Variants in RUNX1T1 observed in about 807,000 individuals in gnomAD.
RUNX1T1 encodes protein CBFA2T1.
RUNX1T1 carries 4 observed loss-of-function variants against 62.8 expected under a neutral mutation model. The ratio of observed to expected loss-of-function variants is 0.06; its 90% CI spans 0.03 to 0.15. RUNX1T1 has a LOEUF of 0.15. Among genes scored for constraint, RUNX1T1 ranks in the 10% least tolerant of loss-of-function variants. The pLI is 1.00. For synonymous variants in RUNX1T1, 291 were observed against 286.0 expected (o/e 1.02, Z -0.18); for missense variants, 508 against 754.3 (o/e 0.67, Z 3.82).
intron 7 of RUNX1T1, 30 bp from the exon 9 acceptor site, chr8:91,986,355 G>A: frequency 8.5e-6 from 13 of 1,520,612 alleles, no homozygotes; most frequent in Non-Finnish European, 1.1e-5. Context: ...ATAGGGAAGA[G>A]CATATAAATC....
chr8:92,086,420 A>G (rs1836129049), intron 1 of RUNX1T1, among the ~76,000 whole-genome samples: 1 of 152,224 alleles, frequency 6.6e-6, no homozygotes, highest in Non-Finnish European at 1.5e-5. Flanking sequence ...CAAAAGAGAA[A>G]CTCAAAGAAG....
intron 10 of RUNX1T1, among the ~76,000 whole-genome samples, chr8:91,967,424 C>T (rs1811884542): frequency 6.6e-6 from 1 of 151,812 alleles, no homozygotes; most frequent in African/African-American, 2.4e-5. Flanking sequence ...TTCATTCCTG[C>T]CTCCAAGCCT....
chr8:92,039,701 A>T (rs1011946842), intron 1 of RUNX1T1, among the ~76,000 whole-genome samples: 1 of 152,290 alleles, frequency 6.6e-6, no homozygotes, highest in Non-Finnish European at 1.5e-5. Context: ...TCTTCTCTCG[A>T]TGTATTATTC....
At chr8:92,068,368 G>C (rs1246017327) in intron 2 of RUNX1T1, among the ~76,000 whole-genome samples, 1 of 152,120 alleles carries the variant, frequency 6.6e-6, no homozygotes, top group Non-Finnish European at 1.5e-5. Context: ...TAAAACGCAA[G>C]GGTGATGGCA....
chr8:92,007,000 G>A (rs1820913669), intron 4 of RUNX1T1, among the ~76,000 whole-genome samples: 1 of 152,088 alleles, frequency 6.6e-6, no homozygotes, highest in African/African-American at 2.4e-5. Context: ...GGATAACAAT[G>A]CTAAAATTAA....
chr8:92,081,065 A>G (rs902031227), intron 1 of RUNX1T1, among the ~76,000 whole-genome samples: 4 of 152,222 alleles, frequency 2.6e-5, no homozygotes, highest in African/African-American at 9.6e-5. Flanking sequence ...CCCACTGTAT[A>G]CGCACTCTGG....
intron 5 of RUNX1T1, among the ~76,000 whole-genome samples, 196 bp from the exon 7 acceptor site, chr8:91,992,085 C>G (rs909604893): frequency 6.6e-6 from 1 of 152,128 alleles, no homozygotes; most frequent in Non-Finnish European, 1.5e-5. Flanking sequence ...AGCCTGCAGA[C>G]AGGAAAAAAT....
chr8:91,977,017 A>G (rs1366594485), intron 8 of RUNX1T1: 1 of 191,270 alleles, frequency 5.2e-6, no homozygotes, highest in African/African-American at 2.3e-5. Context: ...GAAGATGAAG[A>G]CATTTAGTCC....
chr8:91,994,594 C>A, intron 5 of RUNX1T1: 1 of 497,542 alleles, frequency 2.0e-6, no homozygotes, highest in South Asian at 1.5e-5. Context: ...GGTCAAGTCA[C>A]TTAACCTCTC....
upstream of RUNX1T1, among the ~76,000 whole-genome samples, chr8:92,100,127 A>G (rs1837968177): frequency 6.6e-6 from 1 of 152,200 alleles, no homozygotes; most frequent in South Asian, 2.1e-4. Context: ...AATGTATTGT[A>G]TTGCACATAG....
intron 1 of RUNX1T1, among the ~76,000 whole-genome samples, chr8:92,062,176 T>A (rs1832144612): frequency 6.6e-6 from 1 of 152,188 alleles, no homozygotes; most frequent in African/African-American, 2.4e-5. Context: ...TCTCCACAGA[T>A]GAAATTTCCA....
rs1035216632 is a variant in RUNX1T1, at chr8:92,014,827, A to G, written c.146-7T>C. Reference sequence around the variant, plus strand: ...TGGCTCGTGCCATTAGTTACTGTCAAGAGCACAAAATCAGAAGGAAGTCAT... The same window carrying G: ...TGGCTCGTGCCATTAGTTACTGTCAGGAGCACAAAATCAGAAGGAAGTCAT... On this transcript the variant is annotated splice_region_variant and splice_polypyrimidine_tract_variant and intron_variant, in intron 2 of 10. Transcript: ENST00000396218. 6.3e-7 allele frequency: 1 copy of G among 1,593,856 alleles called. No individual in the cohort carries two copies.
In RUNX1T1 at chr8:92,027,298, A is replaced by C. The variant is rs531088928; in HGVS notation, c.8-9935T>G. 3.3e-5 allele frequency among the ~76,000 whole-genome samples: 5 copies of C among 152,274 alleles called. No individual in the cohort carries two copies. The South Asian group carries it at 1.0e-3, about 32-fold the overall frequency. ...GTGCCTGATGGTTACTATGTTAGAA[A>C]GCTCAGTTATAAAACACTTCTGTCA... On this transcript the variant is annotated intron_variant, in intron 1 of 10. Transcript: ENST00000396218.
intron 8 of RUNX1T1, chr8:91,976,196 A>C (rs962857687): frequency 2.0e-6 from 1 of 507,896 alleles, no homozygotes. Context: ...AATGCCATGC[A>C]TGCTCAAAGC....
intron 4 of RUNX1T1, chr8:92,006,029 T>A (rs1400304426): frequency 7.0e-6 from 1 of 143,728 alleles, no homozygotes; most frequent in African/African-American, 2.9e-5. Context: ...TCTTCTAATG[T>A]TAGAAGAAAT....
At chr8:92,011,429 G>A (rs1821904951) in intron 3 of RUNX1T1, among the ~76,000 whole-genome samples, 1 of 152,164 alleles carries the variant, frequency 6.6e-6, no homozygotes, top group East Asian at 1.9e-4. Context: ...AACACACTTG[G>A]ATGTATTTAA....
intron 1 of RUNX1T1, among the ~76,000 whole-genome samples, chr8:92,034,468 T>C (rs1826869024): frequency 6.6e-6 from 1 of 152,154 alleles, no homozygotes; most frequent in Middle Eastern, 3.2e-3. Flanking sequence ...GAACAGCCTG[T>C]GACTTATATT....
intron 1 of RUNX1T1, among the ~76,000 whole-genome samples, chr8:92,051,836 T>C (rs1830301668): frequency 6.6e-6 from 1 of 151,976 alleles, no homozygotes; most frequent in East Asian, 1.9e-4. Flanking sequence ...GATGGGGCAG[T>C]AGGCAGTACA....
chr8:91,966,793 C>T (rs1365956183), intron 10 of RUNX1T1, among the ~76,000 whole-genome samples: 3 of 152,058 alleles, frequency 2.0e-5, no homozygotes, highest in African/African-American at 4.8e-5. Context: ...AGATATCTGC[C>T]GCAAGTCCAG....
Sources: gnomAD v4.1 joint callset for allele counts (sites outside exome capture counted in the v4.1 genomes callset) on GRCh38, gnomAD v4.1.1 for gene constraint, MANE v1.5 for transcripts, NCBI Gene and HGNC (gene_info 2026-07-23, HGNC 2026-07-21) for gene names.